The following MARCHF4 variants were observed in gnomAD, a reference collection of about 807,000 sequenced individuals.
The protein encoded by MARCHF4 is membrane associated ring-CH-type finger 4, also known as E3 ubiquitin-protein ligase MARCHF4.
Under a neutral mutation model 43.9 loss-of-function variants are expected in MARCHF4, and 14 were observed. The observed-to-expected ratio is 0.32, with a 90% CI of 0.21 to 0.50. The LOEUF is 0.50. Ranked by LOEUF, MARCHF4 falls within the 20% of genes least tolerant of loss-of-function variation. The probability of loss-of-function intolerance (pLI) is 0.98; values close to 1 mark genes in which losing one functional copy is unlikely to be tolerated. For synonymous variants in MARCHF4, 226 were observed against 213.3 expected (o/e 1.06, Z -0.52); for missense variants, 468 against 536.7 (o/e 0.87, Z 1.27).
chr2:216,311,573 A>G (rs1691687696), intron 1 of MARCHF4, among the ~76,000 whole-genome samples: 1 of 152,148 alleles, frequency 6.6e-6, no homozygotes, highest in Non-Finnish European at 1.5e-5. Flanking sequence ...TCATGTCTTT[A>G]TTGTTAAACA....
chr2:216,302,710 C>T (rs1431449979), intron 1 of MARCHF4, among the ~76,000 whole-genome samples: 1 of 151,082 alleles, frequency 6.6e-6, no homozygotes, highest in Non-Finnish European at 1.5e-5. Flanking sequence ...CCAGCCTGGC[C>T]AACACAATGA....
rs758646946 is a variant in MARCHF4 at position 216,372,375 on chromosome 2, G to C, written c.-2115C>G. Among the ~76,000 whole-genome samples the C allele has an allele frequency of 2.7e-4, 41 of 152,308 alleles. No individual in the cohort carries two copies. The highest frequency in any genetic ancestry group is 9.1e-4 in the Admixed American group (14 of 15,310). On this transcript the variant is annotated 5_prime_UTR_variant, in exon 1 of 4. Transcript: ENST00000273067. ...GACAGCTCCCACCCAGACCCCGCGC[G>C]TCACGCTCGTGGGGGCCTGACGCAG...
At chr2:216,333,209 G>A (rs1692107375) in intron 1 of MARCHF4, among the ~76,000 whole-genome samples, 1 of 152,338 alleles carries the variant, frequency 6.6e-6, no homozygotes, top group South Asian at 2.1e-4. Flanking sequence ...AAAGGGGCAA[G>A]CCCCAGAATA....
intron 1 of MARCHF4, among the ~76,000 whole-genome samples, chr2:216,354,969 T>A (rs1031204743): frequency 6.9e-6 from 1 of 143,992 alleles, no homozygotes; most frequent in South Asian, 2.3e-4. Flanking sequence ...CTTTCTTTCT[T>A]TCTTTCTTTC....
At chr2:216,365,312 G>A (rs1470926234) in intron 1 of MARCHF4, among the ~76,000 whole-genome samples, 1 of 152,198 alleles carries the variant, frequency 6.6e-6, no homozygotes, top group Non-Finnish European at 1.5e-5. Context: ...AGAATAAAAA[G>A]GCAGATTAAG....
At chr2:216,310,114 C>A (rs1691660249) in intron 1 of MARCHF4, among the ~76,000 whole-genome samples, 1 of 152,190 alleles carries the variant, frequency 6.6e-6, no homozygotes, top group African/African-American at 2.4e-5. Flanking sequence ...CTGGAGGCAC[C>A]TACCCAGTGC....
At chr2:216,283,032 T>G (rs1350838305) in intron 2 of MARCHF4, among the ~76,000 whole-genome samples, 3 of 152,164 alleles carry the variant, frequency 2.0e-5, no homozygotes, top group Non-Finnish European at 4.4e-5. Context: ...TTGAGAAGAC[T>G]GCAGATCAAT....
intron 1 of MARCHF4, among the ~76,000 whole-genome samples, chr2:216,358,344 T>C (rs1202211804): frequency 6.6e-5 from 10 of 152,330 alleles, no homozygotes; most frequent in African/African-American, 2.4e-4. Flanking sequence ...GCTTTCATTG[T>C]CCTTATGCCA....
chr2:216,265,991 GA>G (rs1446110971), intron 3 of MARCHF4: 1 of 152,162 alleles, frequency 6.6e-6, no homozygotes, highest in Admixed American at 6.5e-5. Flanking sequence ...ATTCCTCATA[GA>G]AGGTTCTAAA....
chr2:216,300,681 T>A (rs930263738), intron 1 of MARCHF4, among the ~76,000 whole-genome samples: 1 of 152,128 alleles, frequency 6.6e-6, no homozygotes, highest in Non-Finnish European at 1.5e-5. Flanking sequence ...ACTTTATACA[T>A]ACAAAGCTCG....
chr2:216,360,727 A>C (rs1692563636), intron 1 of MARCHF4, among the ~76,000 whole-genome samples: 1 of 152,222 alleles, frequency 6.6e-6, no homozygotes, highest in Non-Finnish European at 1.5e-5. Flanking sequence ...GTACGATATC[A>C]ACAGTGAACC....
chr2:216,287,937 T>G (rs1366168265), intron 1 of MARCHF4, among the ~76,000 whole-genome samples: 1 of 152,146 alleles, frequency 6.6e-6, no homozygotes, highest in Non-Finnish European at 1.5e-5. Context: ...AAGTAACTCT[T>G]ACCTCCTCAA....
intron 1 of MARCHF4, among the ~76,000 whole-genome samples, chr2:216,352,939 C>G (rs1308627734): frequency 2.0e-5 from 3 of 152,182 alleles, no homozygotes; most frequent in African/African-American, 7.2e-5. Context: ...TGGCACAAAG[C>G]AGCTGCTCAA....
intron 1 of MARCHF4, among the ~76,000 whole-genome samples, chr2:216,323,247 C>A (rs915925184): frequency 2.0e-5 from 3 of 152,096 alleles, no homozygotes; most frequent in African/African-American, 4.8e-5. Flanking sequence ...GAATCTGGGC[C>A]CTGGAGTCCT....
intron 1 of MARCHF4, among the ~76,000 whole-genome samples, chr2:216,300,350 GTA>G (rs201683040): frequency 8.4e-4 from 97 of 115,580 alleles, no homozygotes; most frequent in Non-Finnish European, 8.3e-4. Context: ...ATATATATAT[GTA>G]TATATATATA....
At chr2:216,350,638 T>A (rs995572504) in intron 1 of MARCHF4, among the ~76,000 whole-genome samples, 1 of 152,176 alleles carries the variant, frequency 6.6e-6, no homozygotes, top group Non-Finnish European at 1.5e-5. Context: ...TCTGGTCTGC[T>A]GTTGCACATG....
chr2:216,355,199 T>C (rs954769266), intron 1 of MARCHF4, among the ~76,000 whole-genome samples: 4 of 152,110 alleles, frequency 2.6e-5, no homozygotes, highest in Non-Finnish European at 4.4e-5. Flanking sequence ...CTTGAACTCC[T>C]GACCTCAAGT....
intron 2 of MARCHF4, 80 bp from the exon 3 acceptor site, chr2:216,277,944 A>G: frequency 7.6e-7 from 1 of 1,321,444 alleles, no homozygotes; most frequent in Non-Finnish European, 1.0e-6. Context: ...CTGCTGCTCC[A>G]ACAGCTCACC....
chr2:216,288,960 C>T (rs1207798619), intron 1 of MARCHF4, among the ~76,000 whole-genome samples: 3 of 151,394 alleles, frequency 2.0e-5, no homozygotes, highest in African/African-American at 7.3e-5. Flanking sequence ...ACACTGAAGA[C>T]AGCTTTAGAC....
Sources: gnomAD v4.1 joint callset for allele counts (sites outside exome capture counted in the v4.1 genomes callset) on GRCh38, gnomAD v4.1.1 for gene constraint, MANE v1.5 for transcripts, NCBI Gene and HGNC (gene_info 2026-07-23, HGNC 2026-07-21) for gene names.